The following ADGRG6 variants were observed in gnomAD, a reference collection of about 807,000 sequenced individuals.
ADGRG6 encodes the protein G-protein coupled receptor 126.
Under a neutral mutation model 142.4 loss-of-function variants are expected in ADGRG6, and 84 were observed. The ratio of observed to expected loss-of-function variants is 0.59; its 90% CI spans 0.49 to 0.71. The LOEUF is 0.71. ADGRG6 is among the 30% of genes least tolerant of loss of function. The probability of loss-of-function intolerance (pLI) is 0.00; values close to 1 mark genes in which losing one functional copy is unlikely to be tolerated. For synonymous variants in ADGRG6, 521 were observed against 520.5 expected (o/e 1.00, Z -0.01); for missense variants, 1,367 against 1,466.6 (o/e 0.93, Z 1.11).
chr6:142,377,107 G>A (rs2114905730), intron 4 of ADGRG6, among the ~76,000 whole-genome samples: 1 of 152,264 alleles, frequency 6.6e-6, no homozygotes, highest in Non-Finnish European at 1.5e-5. Context: ...GGCTCTAAAT[G>A]TTGCTGTTAA....
chr6:142,404,089 G>A, intron 14 of ADGRG6, 116 bp downstream of exon 14: 1 of 765,848 alleles, frequency 1.3e-6, no homozygotes, highest in Non-Finnish European at 2.2e-6. Context: ...GGCAAGGTCT[G>A]AATGTTGGCT....
chr6:142,358,519 G>A (rs1363567124), intron 2 of ADGRG6, among the ~76,000 whole-genome samples: 2 of 152,180 alleles, frequency 1.3e-5, no homozygotes, highest in African/African-American at 2.4e-5. Context: ...CTCGTCATTT[G>A]TCAGGTCCTT....
At chr6:142,315,378 A>G (rs974173476) in intron 2 of ADGRG6, among the ~76,000 whole-genome samples, 1 of 151,884 alleles carries the variant, frequency 6.6e-6, no homozygotes, top group Non-Finnish European at 1.5e-5. Flanking sequence ...GAAAAAAAAA[A>G]CAGAATGGAG....
At chr6:142,321,315 G>A (rs1299862649) in intron 2 of ADGRG6, among the ~76,000 whole-genome samples, 2 of 119,264 alleles carry the variant, frequency 1.7e-5, no homozygotes, top group African/African-American at 7.0e-5. Context: ...ACACACACGT[G>A]TATATACTAT....
At chr6:142,305,658 G>A (rs1329779568) in intron 1 of ADGRG6, among the ~76,000 whole-genome samples, 3 of 152,128 alleles carry the variant, frequency 2.0e-5, no homozygotes, top group African/African-American at 2.4e-5. Context: ...ATTAAAACAA[G>A]TATATTGACA....
At chr6:142,407,190 A>AG (rs1554251760) in intron 15 of ADGRG6, among the ~76,000 whole-genome samples, 1,608 of 149,948 alleles carry the variant, frequency 0.011, 20 homozygotes, top group African/African-American at 0.036. Flanking sequence ...AAAAAAAAAA[A>AG]GGAAGCATAT....
chr6:142,426,269 A>G (rs139205293), intron 22 of ADGRG6, among the ~76,000 whole-genome samples: 243 of 152,298 alleles, frequency 1.6e-3, no homozygotes, highest in Non-Finnish European at 2.6e-3. Context: ...CCTAGATACA[A>G]TGGGGGTACA....
chr6:142,312,230 T>G (rs1475056144), intron 2 of ADGRG6, among the ~76,000 whole-genome samples: 1 of 152,096 alleles, frequency 6.6e-6, no homozygotes, highest in Non-Finnish European at 1.5e-5. Context: ...TTAATTCAGA[T>G]GATTAAAATT....
chr6:142,412,413 G>T (rs7759268), intron 18 of ADGRG6, among the ~76,000 whole-genome samples: 12,418 of 152,150 alleles, frequency 0.082, 614 homozygotes, highest in East Asian at 0.25. Context: ...CCTTCTTCCT[G>T]TGGGGACTGG....
Position 142,405,704 on chromosome 6 carries a change from G to A in ADGRG6, c.2144G>A (p.Gly715Glu), listed in dbSNP as rs186651592. The A allele has an allele frequency of 1.5e-5, 24 of 1,609,020 alleles. 1 individual carries two copies. In the Admixed American group the frequency reaches 3.5e-4, roughly 24 times the overall value. The change falls in exon 15 of 25, where the codon GGA becomes GAA. Residue 715 changes from glycine to glutamate, a missense_variant. Physicochemically the swap from Gly to Glu is moderately conservative, Grantham distance 98. Coordinates refer to ENST00000367609, the MANE Select transcript of ADGRG6 (RefSeq NM_198569.3). ...ESYFQMDFES[G>E]QVDPLASVIL... Reference sequence around the variant, plus strand: ...GTGTGACAGATGGATTTTGAGAGTGGACAAGTGGATCCACTGGCATCTGTA... The same window carrying A: ...GTGTGACAGATGGATTTTGAGAGTGAACAAGTGGATCCACTGGCATCTGTA...
At chr6:142,435,452 T>C (rs1777437444) in intron 22 of ADGRG6, among the ~76,000 whole-genome samples, 2 of 152,094 alleles carry the variant, frequency 1.3e-5, no homozygotes, top group African/African-American at 2.4e-5. Flanking sequence ...TCCTTAAATA[T>C]GTTTTCTTTT....
chr6:142,375,486 A>G (rs1433139892), intron 4 of ADGRG6, among the ~76,000 whole-genome samples: 1 of 152,144 alleles, frequency 6.6e-6, no homozygotes, highest in Non-Finnish European at 1.5e-5. Context: ...AGTCCAAGTC[A>G]CTCATTAACT....
chr6:142,419,676 A>C, intron 21 of ADGRG6, 145 bp from the exon 22 acceptor site: 1 of 618,588 alleles, frequency 1.6e-6, no homozygotes, highest in East Asian at 2.7e-5. Context: ...ATTGAAGAAG[A>C]AACTGAGGTC....
chr6:142,407,973 A>G (rs1213177029), intron 15 of ADGRG6, among the ~76,000 whole-genome samples, 177 bp from the exon 16 acceptor site: 1 of 152,168 alleles, frequency 6.6e-6, no homozygotes, highest in African/African-American at 2.4e-5. Flanking sequence ...ATTTATTATA[A>G]TAAGGGAAAT....
chr6:142,376,371 C>T (rs146144942), intron 4 of ADGRG6, among the ~76,000 whole-genome samples: 1 of 152,300 alleles, frequency 6.6e-6, no homozygotes, highest in Non-Finnish European at 1.5e-5. Context: ...TTTATTTTAA[C>T]AAGCATTTAT....
intron 10 of ADGRG6, among the ~76,000 whole-genome samples, chr6:142,399,017 A>T (rs533113782): frequency 6.6e-6 from 1 of 152,356 alleles, no homozygotes; most frequent in African/African-American, 2.4e-5. Flanking sequence ...ATGAGTCTGC[A>T]TGAGAATATT....
At chr6:142,381,263 CACATAT>C (rs1781758036) in intron 4 of ADGRG6, among the ~76,000 whole-genome samples, 1 of 152,006 alleles carries the variant, frequency 6.6e-6, no homozygotes, top group Admixed American at 6.5e-5. Flanking sequence ...TGTGTATACA[CACATAT>C]ACATATATAT....
intron 10 of ADGRG6, 64 bp downstream of exon 10, chr6:142,397,819 C>G (rs1048931179): frequency 3.8e-6 from 4 of 1,049,624 alleles, no homozygotes; most frequent in Non-Finnish European, 5.2e-6. Flanking sequence ...TTACTTGAAA[C>G]AACAGCAGAA....
chr6:142,331,254 CTCTT>C (rs918391826), intron 2 of ADGRG6, among the ~76,000 whole-genome samples: 2 of 152,116 alleles, frequency 1.3e-5, no homozygotes, highest in Non-Finnish European at 2.9e-5. Flanking sequence ...GATATGCTGC[CTCTT>C]TTTTTTCACT....
Sources: gnomAD v4.1 joint callset for allele counts (sites outside exome capture counted in the v4.1 genomes callset) on GRCh38, gnomAD v4.1.1 for gene constraint, MANE v1.5 for transcripts, NCBI Gene and HGNC (gene_info 2026-07-23, HGNC 2026-07-21) for gene names.